The following SUGP2 variants were observed in gnomAD, a reference collection of about 807,000 sequenced individuals.
SUGP2 encodes the protein SURP and G-patch domain-containing protein 2.
In SUGP2, 24 loss-of-function variants were observed where a neutral mutation model predicts 90.5. That is an observed-to-expected ratio of 0.27 (90% confidence interval 0.19 to 0.37). The LOEUF (loss-of-function observed/expected upper bound fraction) is 0.37. SUGP2 is among the 10% of genes least tolerant of loss of function. SUGP2 has a pLI of 1.00. For synonymous variants in SUGP2, 473 were observed against 513.4 expected, an observed-to-expected ratio of 0.92 and a Z score of 1.06; for missense variants, 1,233 against 1,363.3, an observed-to-expected ratio of 0.90 and a Z score of 1.51.
At chr19:19,029,124 G>C (rs865820953) in intron 2 of SUGP2, among the ~76,000 whole-genome samples, 1 of 151,192 alleles carries the variant, frequency 6.6e-6, no homozygotes, top group African/African-American at 2.4e-5. Flanking sequence ...GGCCATAGGC[G>C]CATGCCACCA....
chr19:19,001,520 C>T, intron 8 of SUGP2, 93 bp downstream of exon 8: 1 of 1,278,086 alleles, frequency 7.8e-7, no homozygotes, highest in South Asian at 1.2e-5. Flanking sequence ...GAAATGTTAG[C>T]ACAGCTTAAT....
At chr19:19,003,269 C>A (rs1207592451) in intron 7 of SUGP2, among the ~76,000 whole-genome samples, 1 of 152,228 alleles carries the variant, frequency 6.6e-6, no homozygotes, top group African/African-American at 2.4e-5. Context: ...ATGTAGAACA[C>A]ACAGGTGACT....
At chr19:19,030,928 A>G (rs1426850830) in intron 2 of SUGP2, 23 bp downstream of exon 2, 1 of 1,600,480 alleles carries the variant, frequency 6.2e-7, no homozygotes, top group Non-Finnish European at 8.5e-7. Context: ...AACAACAACT[A>G]CAACAACAAC....
At chr19:19,022,841 G>A (rs751896165) in intron 3 of SUGP2, among the ~76,000 whole-genome samples, 3 of 152,138 alleles carry the variant, frequency 2.0e-5, no homozygotes, top group Non-Finnish European at 4.4e-5. Flanking sequence ...CCTGAGGGTG[G>A]TGAAAGAGCA....
chr19:19,033,304 G>A, intron 1 of SUGP2, 133 bp downstream of exon 1: 2 of 1,027,834 alleles, frequency 1.9e-6, no homozygotes, highest in Non-Finnish European at 2.4e-6. Context: ...ACCCGGCGGG[G>A]ACGCGGCCGC....
At chr19:19,011,135 TC>T (rs2058297171) in intron 4 of SUGP2, among the ~76,000 whole-genome samples, 1 of 149,036 alleles carries the variant, frequency 6.7e-6, no homozygotes, top group Non-Finnish European at 1.5e-5. Flanking sequence ...CAAGACCCTA[TC>T]TTTAAAAAAA....
intron 4 of SUGP2, among the ~76,000 whole-genome samples, chr19:19,013,656 T>C (rs1263930044): frequency 6.6e-6 from 1 of 152,166 alleles, no homozygotes; most frequent in Non-Finnish European, 1.5e-5. Flanking sequence ...ATCAATTATT[T>C]AGATTTTATG....
intron 6 of SUGP2, among the ~76,000 whole-genome samples, chr19:19,004,871 G>A (rs554733557): frequency 3.9e-5 from 6 of 152,330 alleles, no homozygotes; most frequent in Non-Finnish European, 8.8e-5. Flanking sequence ...AAGCCTAACT[G>A]CTTTCCAGGG....
At position 19,011,465 on chromosome 19, in the gene SUGP2, T is replaced by C. The variant is rs2058309969; in HGVS notation, c.1851-1123A>G. Among the ~76,000 whole-genome samples, 6 of 152,254 alleles carry C rather than the reference T, an allele frequency of 3.9e-5. 1 individual carries two copies. In the South Asian group the frequency reaches 1.2e-3, roughly 32 times the overall value. On this transcript the variant is annotated intron_variant, in intron 4 of 10. Coordinates refer to ENST00000452918, the MANE Select transcript of SUGP2 (RefSeq NM_001017392.5). ...ACCTGGCCCACTATTTCTAATAAAG[T>C]CACCTGAAGTCACTCTTTCTCTTAA...
chr19:18,995,498 T>C (rs940471883), intron 8 of SUGP2, among the ~76,000 whole-genome samples: 1 of 152,228 alleles, frequency 6.6e-6, no homozygotes, highest in Non-Finnish European at 1.5e-5. Flanking sequence ...CAGTCGTGCC[T>C]CTCAGCTACC....
At position 19,010,043 on chromosome 19, in the gene SUGP2, G is replaced by A. The variant is rs1319694253; in HGVS notation, c.2150C>T (p.Ala717Val). ...TGGTTTTGCCTGTGAGAGGCCTGGA[G>A]CCTGCCGGCCGTGGTGTTTCAGCCT... ...GTRLKHHGRQAPGLSQAKPSL... is the reference protein window; with the variant it reads ...GTRLKHHGRQVPGLSQAKPSL... Residue 717 changes from alanine to valine, a missense_variant, in exon 5 of 11, where the codon GCT becomes GTT. By Grantham distance (64) the Ala-to-Val change is moderately conservative. Coordinates refer to ENST00000452918, the MANE Select transcript of SUGP2 (RefSeq NM_001017392.5). 1 of 1,613,946 alleles carries A rather than the reference G, an allele frequency of 6.2e-7. No homozygotes were observed. The highest frequency in any genetic ancestry group is 2.2e-5 in the East Asian group (1 of 44,862).
intron 3 of SUGP2, among the ~76,000 whole-genome samples, chr19:19,022,508 G>A (rs886478140): frequency 1.2e-4 from 19 of 152,212 alleles, no homozygotes; most frequent in African/African-American, 4.3e-4. Context: ...ATATCAGGAT[G>A]TAGCAAAGGC....
At chr19:19,021,191 G>A (rs923419201) in intron 3 of SUGP2, among the ~76,000 whole-genome samples, 1 of 142,990 alleles carries the variant, frequency 7.0e-6, no homozygotes, top group Admixed American at 7.1e-5. Context: ...GCAAAGAATG[G>A]TCTATTTGTT....
Position 19,010,192 on chromosome 19 carries a change from G to A in SUGP2, c.2001C>T (p.Val667=). The change falls in exon 5 of 11, where the codon GTC becomes GTT. Residue 667 remains valine, a synonymous_variant. Coordinates refer to ENST00000452918, the MANE Select transcript of SUGP2 (RefSeq NM_001017392.5). ...AVRAMLYSRA[V]RNLKKKLLPW... is the part of the protein sequence containing the mutation. Reference sequence around the variant, plus strand: ...GAAGGAGTTTCTTCTTGAGGTTGCGGACAGCCCGGGAGTACAGCATGGCCC... The same window carrying A: ...GAAGGAGTTTCTTCTTGAGGTTGCGAACAGCCCGGGAGTACAGCATGGCCC... 1 of 1,613,944 alleles carries A rather than the reference G, an allele frequency of 6.2e-7. No homozygotes were observed. The highest frequency in any genetic ancestry group is 1.1e-5 in the South Asian group (1 of 91,078).
At chr19:19,006,265 CAT>C (rs1240205376) in intron 6 of SUGP2, among the ~76,000 whole-genome samples, 1 of 152,212 alleles carries the variant, frequency 6.6e-6, no homozygotes, top group East Asian at 1.9e-4. Flanking sequence ...AACTTTATAA[CAT>C]AACCACACCC....
Position 19,019,227 on chromosome 19 carries a change from C to T in SUGP2, c.1732G>A (p.Val578Ile), listed in dbSNP as rs762056896. 3.1e-6 allele frequency: 5 copies of T among 1,612,554 alleles called. No individual in the cohort carries two copies. Among genetic ancestry groups the T allele is most frequent in the Non-Finnish European group, 4.2e-6 (5 of 1,178,910 alleles). ...AKAPSSLSDA[V>I]PQRADHRVVG... Reference sequence around the variant, plus strand: ...ACCCTGTGATCTGCTCGCTGGGGGACAGCTGGAACACACAGAACAGCTTCT... The same window carrying T: ...ACCCTGTGATCTGCTCGCTGGGGGATAGCTGGAACACACAGAACAGCTTCT... Residue 578 changes from valine (V) to isoleucine (I), a missense_variant and splice_region_variant, in exon 4 of 11, where the codon GTC (valine) becomes ATC (isoleucine). Coordinates refer to ENST00000452918, the MANE Select transcript of SUGP2 (RefSeq NM_001017392.5).
At chr19:18,995,103 G>T in intron 9 of SUGP2, 41 bp downstream of exon 9, 1 of 1,600,664 alleles carries the variant, frequency 6.2e-7, no homozygotes. Context: ...TGGAAGGACT[G>T]AGGCCCCACC....
Position 19,004,449 on chromosome 19 carries a change from G to T in SUGP2, c.2648C>A (p.Ala883Asp). The change falls in exon 7 of 11, where the codon GCT becomes GAT. Residue 883 changes from alanine to aspartate, a missense_variant. This residue lies in a region of SUGP2 where 540 missense variants were observed against 542.6 expected (regional missense o/e 1.00). Coordinates refer to ENST00000452918, the MANE Select transcript of SUGP2 (RefSeq NM_001017392.5). ...CATCACCTCTGGGCTCTCCAGCTCAGCCTCCCGCGGAGGGGGCTCGTCTTC... is the reference window on the plus strand; with the variant it reads ...CATCACCTCTGGGCTCTCCAGCTCATCCTCCCGCGGAGGGGGCTCGTCTTC... ...EFEDEPPPRE[A>D]ELESPEVMPE... 6.2e-7 allele frequency: 1 copy of T among 1,614,200 alleles called. No individual in the cohort carries two copies. Among genetic ancestry groups the T allele is most frequent in the Non-Finnish European group, 8.5e-7 (1 of 1,180,032 alleles).
At chr19:19,021,957 A>C (rs1411844733) in intron 3 of SUGP2, among the ~76,000 whole-genome samples, 3 of 151,704 alleles carry the variant, frequency 2.0e-5, no homozygotes, top group Non-Finnish European at 4.4e-5. Flanking sequence ...GAACGACTGC[A>C]CCCAGCCCAT....
Sources: gnomAD v4.1 joint callset for allele counts (sites outside exome capture counted in the v4.1 genomes callset) on GRCh38, gnomAD v4.1.1 for gene constraint, gnomAD v4.1.1 regional missense constraint, MANE v1.5 for transcripts, NCBI Gene and HGNC (gene_info 2026-07-23, HGNC 2026-07-21) for gene names.